The following MECOM variants were observed in gnomAD, a reference collection of about 807,000 sequenced individuals.
MECOM encodes the protein histone-lysine N-methyltransferase MECOM.
MECOM carries 13 observed loss-of-function variants against 116.3 expected under a neutral mutation model. The observed-to-expected ratio is 0.11, with a 90% CI of 0.07 to 0.18. The LOEUF is 0.18. Ranked by LOEUF, MECOM falls within the 10% of genes least tolerant of loss-of-function variation. The pLI, the probability that MECOM is intolerant of heterozygous loss-of-function variation, is 1.00. For synonymous variants in MECOM, 528 were observed against 535.2 expected (o/e 0.99, Z 0.19); for missense variants, 1,299 against 1,509.0 (o/e 0.86, Z 2.31).
chr3:169,474,604 G>A (rs1180280986), intron 1 of MECOM, among the ~76,000 whole-genome samples: 1 of 152,076 alleles, frequency 6.6e-6, no homozygotes, highest in Non-Finnish European at 1.5e-5. Context: ...TCTATTATGT[G>A]AAACCTTGGT....
In MECOM at chr3:169,102,193, C is replaced by G. The variant is rs1471238213; in HGVS notation, c.2638G>C (p.Glu880Gln). The change falls in exon 11 of 17, where the codon GAG becomes CAG. Residue 880 changes from glutamate (E) to glutamine (Q), a missense_variant. Glu to Gln is a conservative substitution (Grantham distance 29). This residue lies in a region of MECOM where 340 missense variants were observed against 312.6 expected (regional missense o/e 1.09). Transcript: ENST00000651503. The stretch of plus-strand genomic sequence containing the variant: ...TCAGGTTTCAGGGCACTGAAGCTCT[C>G]TAGCTTTTCTGCCATGTTTTCAATA... ...SAIENMAEKL[E>Q]SFSALKPEAS... 1.9e-6 allele frequency: 3 copies of G among 1,613,634 alleles called. No homozygotes were observed. The highest frequency in any genetic ancestry group is 1.3e-5 in the African/African-American group (1 of 75,018).
intron 12 of MECOM, 66 bp downstream of exon 12, chr3:169,100,819 A>C: frequency 1.1e-6 from 1 of 901,396 alleles, no homozygotes; most frequent in East Asian, 3.9e-5. Context: ...TTATTATTTT[A>C]TTATTAAAAT....
rs1716917363 is a variant in MECOM, at chr3:169,083,947, A to G, written c.*962T>C. 8.8e-6 allele frequency: 2 copies of G among 227,582 alleles called. No individual in the cohort carries two copies. Among genetic ancestry groups the G allele is most frequent in the Non-Finnish European group, 1.7e-5 (2 of 114,452 alleles). The allele number at this position is 227,582 out of a possible 1,614,324, so 14.1% of individuals were successfully genotyped here. On this transcript the variant is annotated 3_prime_UTR_variant, in exon 17 of 17. Coordinates refer to ENST00000651503, the MANE Select transcript of MECOM (RefSeq NM_004991.4). ...TTAAGAAGGAAAACAAAACAAACAA[A>G]CAAAAAGGAATGTTAAGAAAAGCCA...
At chr3:169,340,836 T>G (rs1724374873) in intron 2 of MECOM, among the ~76,000 whole-genome samples, 1 of 152,298 alleles carries the variant, frequency 6.6e-6, no homozygotes. Context: ...TGCAAGGTAT[T>G]CTTCATAATC....
At chr3:169,391,775 A>C (rs1337138862) in intron 1 of MECOM, among the ~76,000 whole-genome samples, 1 of 152,164 alleles carries the variant, frequency 6.6e-6, no homozygotes. Context: ...ATAGACTACC[A>C]AACTATGTAT....
rs375590832 is a variant in MECOM at position 169,250,015 on chromosome 3, T to C, written c.376-106183A>G. On this transcript the variant is annotated intron_variant, in intron 2 of 16. Coordinates refer to ENST00000651503, the MANE Select transcript of MECOM (RefSeq NM_004991.4). ...GATTAAGCACAAACTTGCAAAGAATTAACCACTCCACCAACCCAATGGATC... is the reference window on the plus strand; with the variant it reads ...GATTAAGCACAAACTTGCAAAGAATCAACCACTCCACCAACCCAATGGATC... Among the ~76,000 whole-genome samples, 11 of 152,284 alleles carry C rather than the reference T, an allele frequency of 7.2e-5. No homozygotes were observed. In the East Asian group the frequency reaches 1.3e-3, roughly 19 times the overall value.
rs536466201 is a variant in MECOM at position 169,597,118 on chromosome 3, A to G, written c.37+66218T>C. Among the ~76,000 whole-genome samples the G allele has an allele frequency of 2.0e-5, 3 of 152,320 alleles. No homozygotes were observed. In the South Asian group the frequency reaches 6.2e-4, roughly 32 times the overall value. On this transcript the variant is annotated intron_variant, in intron 1 of 16. Transcript: ENST00000651503. ...CATCACCTAAAATCTCAATCTTATC[A>G]AAGTGTAAGATGAAGTAAAATAGAA...
rs556455999 is a variant in MECOM at position 169,358,577 on chromosome 3, T to C, written c.375+22610A>G. ...CCTTTTATAGAACAGAAGACCAAGA[T>C]GGTAGAAGGGTTTTGAGCCCTAGGA... On this transcript the variant is annotated intron_variant, in intron 2 of 16. Transcript: ENST00000651503. Among the ~76,000 whole-genome samples, 5 of 149,076 alleles carry C rather than the reference T, an allele frequency of 3.4e-5. No homozygotes were observed. The East Asian group carries it at 7.9e-4, about 24-fold the overall frequency.
intron 1 of MECOM, among the ~76,000 whole-genome samples, chr3:169,541,723 C>T (rs766735532): frequency 6.6e-6 from 1 of 152,198 alleles, no homozygotes; most frequent in African/African-American, 2.4e-5. Flanking sequence ...GGCCTTGGCA[C>T]TGGCTCTGCT....
intron 1 of MECOM, among the ~76,000 whole-genome samples, chr3:169,558,424 A>G (rs1762280417): frequency 6.6e-6 from 1 of 152,204 alleles, no homozygotes; most frequent in African/African-American, 2.4e-5. Context: ...GTAGACGCCC[A>G]TTCTCTTTCG....
At chr3:169,132,651 C>A (rs1246121258) in intron 3 of MECOM, among the ~76,000 whole-genome samples, 4 of 152,038 alleles carry the variant, frequency 2.6e-5, no homozygotes, top group South Asian at 4.1e-4. Flanking sequence ...GGAAATTATT[C>A]CTTTGCCTCA....
intron 4 of MECOM, among the ~76,000 whole-genome samples, chr3:169,129,608 A>G (rs1484490777): frequency 6.6e-6 from 1 of 152,112 alleles, no homozygotes; most frequent in African/African-American, 2.4e-5. Context: ...ATTCTCAATG[A>G]CATTAGCTGG....
chr3:169,537,391 A>G (rs1759511236), intron 1 of MECOM, among the ~76,000 whole-genome samples: 1 of 152,190 alleles, frequency 6.6e-6, no homozygotes, highest in African/African-American at 2.4e-5. Flanking sequence ...GTCAAAAGCA[A>G]ACAACTTTAC....
chr3:169,568,830 C>A (rs181946036), intron 1 of MECOM, among the ~76,000 whole-genome samples: 2 of 152,160 alleles, frequency 1.3e-5, no homozygotes, highest in Non-Finnish European at 2.9e-5. Flanking sequence ...CTTACAAGAG[C>A]GCCTGAAGAA....
intron 2 of MECOM, among the ~76,000 whole-genome samples, chr3:169,230,745 C>G (rs1295624877): frequency 1.3e-5 from 2 of 152,094 alleles, no homozygotes; most frequent in Non-Finnish European, 2.9e-5. Flanking sequence ...CCCAAGCCTA[C>G]TTCAATTTTT....
chr3:169,235,487 A>C (rs1053047599), intron 2 of MECOM, among the ~76,000 whole-genome samples: 1 of 152,152 alleles, frequency 6.6e-6, no homozygotes, highest in South Asian at 2.1e-4. Flanking sequence ...ACATGCATAC[A>C]CACACACACC....
chr3:169,591,638 G>A (rs558440890), intron 1 of MECOM, among the ~76,000 whole-genome samples: 5 of 152,162 alleles, frequency 3.3e-5, no homozygotes, highest in African/African-American at 4.8e-5. Context: ...CCATTAACCC[G>A]TGCTAATCAC....
chr3:169,432,912 G>A (rs923153432), intron 1 of MECOM, among the ~76,000 whole-genome samples: 14 of 152,278 alleles, frequency 9.2e-5, no homozygotes, highest in East Asian at 5.8e-4. Context: ...ATAAAGACCC[G>A]TGTAAATTCT....
At chr3:169,651,455 A>G (rs1348643066) in intron 1 of MECOM, among the ~76,000 whole-genome samples, 1 of 152,152 alleles carries the variant, frequency 6.6e-6, no homozygotes, top group Admixed American at 6.5e-5. Context: ...TCATCAGGAT[A>G]TTGGTCTGTA....
Sources: gnomAD v4.1 joint callset for allele counts (sites outside exome capture counted in the v4.1 genomes callset) on GRCh38, gnomAD v4.1.1 for gene constraint, gnomAD v4.1.1 regional missense constraint, MANE v1.5 for transcripts, NCBI Gene and HGNC (gene_info 2026-07-23, HGNC 2026-07-21) for gene names.